The following CASZ1 variants were observed in gnomAD, a reference collection of about 807,000 sequenced individuals.
CASZ1 encodes castor zinc finger 1, also known as zinc finger protein castor homolog 1.
CASZ1 carries 28 observed loss-of-function variants against 135.2 expected under a neutral mutation model. The ratio of observed to expected loss-of-function variants is 0.21; its 90% CI spans 0.15 to 0.28. The LOEUF is 0.28. CASZ1 is among the 10% of genes least tolerant of loss of function. The pLI is 1.00. For synonymous variants in CASZ1, 1,068 were observed against 1,073.4 expected, an observed-to-expected ratio of 0.99 and a Z score of 0.10; for missense variants, 2,161 against 2,453.3, an observed-to-expected ratio of 0.88 and a Z score of 2.52.
chr1:10,703,453 C>G (rs1429005228), intron 3 of CASZ1, among the ~76,000 whole-genome samples: 1 of 152,158 alleles, frequency 6.6e-6, no homozygotes, highest in Non-Finnish European at 1.5e-5. Flanking sequence ...GATAACTCAA[C>G]CTTCACAGCT....
rs1642020271 is a variant in CASZ1, at chr1:10,637,173, G to T, written c.*1769C>A. On this transcript the variant is annotated 3_prime_UTR_variant, in exon 21 of 21. Transcript: ENST00000377022. ...ACATTGAAAAAATGTTTGTGTGTGT[G>T]TGTTTTTTTTTCCTTTACAAAACTC... 6.6e-6 allele frequency: 1 copy of T among 151,546 alleles called. No individual in the cohort carries two copies. Among genetic ancestry groups the T allele is most frequent in the African/African-American group, 2.4e-5 (1 of 41,068 alleles). 9.4% of individuals were successfully genotyped at this position (151,546 alleles called of 1,614,324 possible). A position where few individuals can be genotyped will look rare whatever the true frequency, so the allele number is the denominator to read the frequency against.
intron 3 of CASZ1, among the ~76,000 whole-genome samples, chr1:10,696,550 A>G (rs1326047937): frequency 6.6e-6 from 1 of 152,190 alleles, no homozygotes; most frequent in African/African-American, 2.4e-5. Flanking sequence ...TGCTGCTCCC[A>G]ATGACTCCCC....
At position 10,739,866 on chromosome 1, in the gene CASZ1, C is replaced by T. The variant is rs374742622; in HGVS notation, c.-77+20835G>A. 3.3e-4 allele frequency among the ~76,000 whole-genome samples: 51 copies of T among 152,286 alleles called. No homozygotes were observed. The South Asian group carries it at 0.01, about 31-fold the overall frequency. ...GAGTTGAGGCTGAGACCTGGGAAGC[C>T]GCAAGGTGCTGGGATCCCAGACGAG... is the stretch of plus-strand genomic sequence containing the variant. On this transcript the variant is annotated intron_variant, in intron 2 of 20. Transcript: ENST00000377022. The surrounding 1 kb of genome is among the most constrained non-coding windows in gnomAD (Gnocchi z 4.8).
chr1:10,653,006 G>A (rs1437253961), intron 11 of CASZ1: 2 of 289,294 alleles, frequency 6.9e-6, no homozygotes, highest in Admixed American at 9.9e-5. Flanking sequence ...GGAAACGCTC[G>A]GCACGCCAGG....
chr1:10,752,206 G>A (rs1014060206), intron 2 of CASZ1, among the ~76,000 whole-genome samples: 6 of 152,220 alleles, frequency 3.9e-5, no homozygotes, highest in East Asian at 1.9e-4. Flanking sequence ...GCAGGCTGTC[G>A]TCCCTGACCT....
rs534273912 is a variant in CASZ1 at position 10,716,718 on chromosome 1, C to T, written c.-76-11174G>A. Among the ~76,000 whole-genome samples, 19 of 152,326 alleles carry T rather than the reference C, an allele frequency of 1.2e-4. No individual in the cohort carries two copies. In the South Asian group the frequency reaches 3.9e-3, roughly 32 times the overall value. On this transcript the variant is annotated intron_variant, in intron 2 of 20. Transcript: ENST00000377022. ...CCAGGATGGAGGGGCTCCCCAAGAG[C>T]TGCCCAGTGGCAGGTAGCACAGAAA...
chr1:10,639,257 G>T lies in CASZ1; in HGVS notation c.4965C>A (p.Ala1655=), dbSNP rs1642112696. 1 of 961,490 alleles carries T rather than the reference G, an allele frequency of 1.0e-6. No homozygotes were observed. Among genetic ancestry groups the T allele is most frequent in the African/African-American group, 1.8e-5 (1 of 56,074 alleles). The allele number at this position is 961,490 out of a possible 1,614,324, so 59.6% of individuals were successfully genotyped here. A position where few individuals can be genotyped will look rare whatever the true frequency, so the allele number is the denominator to read the frequency against. The change falls in exon 21 of 21, where the codon GCC becomes GCA. Residue 1655 remains alanine, a synonymous_variant. Coordinates refer to ENST00000377022, the MANE Select transcript of CASZ1 (RefSeq NM_001079843.3). The surrounding 1 kb of genome is among the most constrained non-coding windows in gnomAD (Gnocchi z 4.0). ...DAGDPGPPDA[A]APGPREGAAA... is the part of the protein sequence containing the mutation. The stretch of plus-strand genomic sequence containing the variant: ...CGGCGCCCTCGCGCGGCCCGGGGGC[G>T]GCGGCGTCGGGCGGGCCGGGGTCGC...
intron 20 of CASZ1, 148 bp downstream of exon 20, chr1:10,642,711 G>C: frequency 2.3e-6 from 2 of 852,046 alleles, no homozygotes; most frequent in Non-Finnish European, 3.5e-6. Flanking sequence ...CGATGACCCA[G>C]TCCCACAGAC....
rs1366212007 is a variant in CASZ1, at chr1:10,747,391, G to A, written c.-77+13310C>T. Among the ~76,000 whole-genome samples the A allele has an allele frequency of 1.2e-4, 19 of 152,230 alleles. No homozygotes were observed. Among genetic ancestry groups the A allele is most frequent in the African/African-American group, 4.3e-4 (18 of 41,454 alleles). ...TGCTAAGTCTAGCACCTGCCAAACCGTGGCGGAAGCAATGGCTGCCATTGA... is the reference window on the plus strand; with the variant it reads ...TGCTAAGTCTAGCACCTGCCAAACCATGGCGGAAGCAATGGCTGCCATTGA... On this transcript the variant is annotated intron_variant, in intron 2 of 20. Coordinates refer to ENST00000377022, the MANE Select transcript of CASZ1 (RefSeq NM_001079843.3). The surrounding 1 kb of genome is among the most constrained non-coding windows in gnomAD (Gnocchi z 4.3).
intron 2 of CASZ1, among the ~76,000 whole-genome samples, chr1:10,723,529 C>A (rs1182680211): frequency 1.3e-5 from 2 of 152,218 alleles, no homozygotes; most frequent in Non-Finnish European, 2.9e-5. Context: ...TGCCCCGGTG[C>A]CCAGCCTGGG....
intron 6 of CASZ1, 142 bp downstream of exon 6, chr1:10,659,560 C>G: frequency 1.5e-6 from 1 of 661,206 alleles, no homozygotes. Context: ...CCTGAGTGTG[C>G]ACGCGCCTGG....
chr1:10,787,021 C>A (rs1460637836), intron 1 of CASZ1, among the ~76,000 whole-genome samples: 1 of 152,218 alleles, frequency 6.6e-6, no homozygotes, highest in Non-Finnish European at 1.5e-5. Context: ...CTTGGGGACA[C>A]CTTGCACTTG....
At position 10,639,048 on chromosome 1, in the gene CASZ1, T is replaced by A. The variant is rs1243981279; in HGVS notation, c.5174A>T (p.Glu1725Val). 1 of 1,064,152 alleles carries A rather than the reference T, an allele frequency of 9.4e-7. No individual in the cohort carries two copies. The highest frequency in any genetic ancestry group is 4.8e-5 in the Admixed American group (1 of 20,880). 65.9% of individuals were successfully genotyped at this position (1,064,152 alleles called of 1,614,324 possible). The change falls in exon 21 of 21, where the codon GAG becomes GTG. Residue 1725 changes from glutamate to valine, a missense_variant. This residue lies in a region of CASZ1 where 185 missense variants were observed against 134.7 expected (regional missense o/e 1.37). Coordinates refer to ENST00000377022, the MANE Select transcript of CASZ1 (RefSeq NM_001079843.3). The surrounding 1 kb of genome is among the most constrained non-coding windows in gnomAD (Gnocchi z 4.0). ...LRTDSEESLP[E>V]AAAEAAGAGA... ...CGCGCCCGCCGCCTCCGCCGCCGCC[T>A]CGGGCAGCGACTCCTCCGAGTCGGT...
chr1:10,647,613 G>A lies in CASZ1; in HGVS notation c.3497+188C>T. The A allele has an allele frequency of 1.4e-6, 2 of 1,448,486 alleles. No homozygotes were observed. Among genetic ancestry groups the A allele is most frequent in the Non-Finnish European group, 1.8e-6 (2 of 1,103,906 alleles). The allele number at this position is 1,448,486 out of a possible 1,614,324, so 89.7% of individuals were successfully genotyped here. On this transcript the variant is annotated intron_variant, in intron 16 of 20. Transcript: ENST00000377022. The surrounding 1 kb of genome is among the most constrained non-coding windows in gnomAD (Gnocchi z 4.9). ...GGCCCACGCGGGCTGGCCTGCTCTG[G>A]GACAGGCAGTGAGGTAGGAGCAGCA...
intron 2 of CASZ1, among the ~76,000 whole-genome samples, chr1:10,708,666 G>GTC (rs1639223302): frequency 6.6e-6 from 1 of 152,126 alleles, no homozygotes; most frequent in South Asian, 2.1e-4. Context: ...AAGCACAGTG[G>GTC]TCTCTCCCTG....
intron 2 of CASZ1, among the ~76,000 whole-genome samples, chr1:10,754,180 G>A (rs1447791542): frequency 6.6e-6 from 1 of 152,160 alleles, no homozygotes; most frequent in Non-Finnish European, 1.5e-5. Flanking sequence ...CATCTAAAAT[G>A]ACAAACCATC....
chr1:10,677,368 G>T (rs1423094115), intron 4 of CASZ1, among the ~76,000 whole-genome samples: 1 of 152,176 alleles, frequency 6.6e-6, no homozygotes, highest in Non-Finnish European at 1.5e-5. Context: ...ACCGAGGAGG[G>T]CAGGAGGGGA....
rs1463314972 is a variant in CASZ1, at chr1:10,711,441, G to A, written c.-76-5897C>T. ...GCTGTTGAGGACTCGCGGAAATAAT[G>A]GTTAGCACAGTAGGTGGCACATAGC... On this transcript the variant is annotated intron_variant, in intron 2 of 20. Transcript: ENST00000377022. This position sits in a 1 kb window ranked among gnomAD's most constrained non-coding sequence, Gnocchi z 4.4. Among the ~76,000 whole-genome samples the A allele has an allele frequency of 6.6e-6, 1 of 152,172 alleles. No homozygotes were observed. Among genetic ancestry groups the A allele is most frequent in the African/African-American group, 2.4e-5 (1 of 41,426 alleles).
intron 4 of CASZ1, among the ~76,000 whole-genome samples, chr1:10,687,347 C>T (rs1638627323): frequency 6.6e-6 from 1 of 152,262 alleles, no homozygotes; most frequent in Non-Finnish European, 1.5e-5. Context: ...CATCAAGAGA[C>T]AGCCCTCTTG....
Sources: allele counts gnomAD v4.1 joint callset (sites outside exome capture counted in the v4.1 genomes callset), GRCh38; gene constraint gnomAD v4.1.1; regional missense constraint gnomAD v4.1.1; non-coding constraint Gnocchi (gnomAD v3.1); transcripts MANE v1.5; gene names NCBI Gene and HGNC (gene_info 2026-07-23, HGNC 2026-07-21).